LMTK3: variants seen among roughly 807,000 people sequenced by gnomAD.
LMTK3 encodes serine/threonine-protein kinase LMTK3.
A neutral mutation model predicts 116.7 loss-of-function variants in LMTK3; 27 were observed. That is an observed-to-expected ratio of 0.23 (90% CI 0.17 to 0.32). LMTK3 has a LOEUF of 0.32. LMTK3 is among the 10% of genes least tolerant of loss of function. The probability of loss-of-function intolerance (pLI) is 1.00; values close to 1 mark genes in which losing one functional copy is unlikely to be tolerated. For missense variants in LMTK3, 1,764 were observed against 2,068.5 expected (o/e 0.85, Z 2.86); for synonymous variants, 965 against 971.0 (o/e 0.99, Z 0.11).
chr19:48,487,250 G>T (rs1601037734), intron 14 of LMTK3, among the ~76,000 whole-genome samples: 1 of 152,126 alleles, frequency 6.6e-6, no homozygotes, highest in East Asian at 1.9e-4. Flanking sequence ...GGCCAAGCTG[G>T]TCTCGAACTC....
rs538473236 is a variant in LMTK3 at position 48,497,666 on chromosome 19, C to A, written c.3403G>T (p.Ala1135Ser). The A allele has an allele frequency of 6.5e-5, 86 of 1,319,912 alleles. No homozygotes were observed. The African/African-American group carries it at 1.1e-3, about 17-fold the overall frequency. 81.8% of individuals were successfully genotyped at this position (1,319,912 alleles called of 1,614,324 possible). A position where few individuals can be genotyped will look rare whatever the true frequency, so the allele number is the denominator to read the frequency against. The change falls in exon 11 of 15, where the codon GCC becomes TCC. Residue 1135 changes from alanine (A) to serine (S), a missense_variant. Coordinates refer to ENST00000600059, the MANE Select transcript of LMTK3 (RefSeq NM_001388485.1). This position sits in a 1 kb window ranked among gnomAD's most constrained non-coding sequence, Gnocchi z 5.7. Reference protein sequence around the residue: ...GGPGSGVDAKAGWVDNTRPQP... With the variant: ...GGPGSGVDAKSGWVDNTRPQP... ...GGCCTCGTGTTGTCTACCCATCCGGCCTTTGCGTCCACGCCGCTTCCGGGG... is the reference window on the plus strand; with the variant it reads ...GGCCTCGTGTTGTCTACCCATCCGGACTTTGCGTCCACGCCGCTTCCGGGG...
Position 48,493,682 on chromosome 19 carries a change from C to A in LMTK3, c.4092+12G>T. The stretch of plus-strand genomic sequence containing the variant: ...CCGCGACCCCGAAACCGCGCCCTCT[C>A]GGGTTCCGCACCTGGTCGAAGAGGT... On this transcript the variant is annotated intron_variant, in intron 12 of 14. Transcript: ENST00000600059. 6.4e-7 allele frequency: 1 copy of A among 1,559,576 alleles called. No individual in the cohort carries two copies. Among genetic ancestry groups the A allele is most frequent in the Non-Finnish European group, 8.7e-7 (1 of 1,153,514 alleles).
At chr19:48,488,864 C>T (rs1972171830) in intron 14 of LMTK3, among the ~76,000 whole-genome samples, 1 of 152,016 alleles carries the variant, frequency 6.6e-6, no homozygotes, top group African/African-American at 2.4e-5. Context: ...CTCACCCTCC[C>T]AAGTAGCTGG....
chr19:48,513,409 A>T, upstream of LMTK3: 1 of 571,940 alleles, frequency 1.7e-6, no homozygotes, highest in East Asian at 2.9e-5. This position sits in a 1 kb window ranked among gnomAD's most constrained non-coding sequence, Gnocchi z 5.6. Context: ...CAAGCCGGGG[A>T]GTGGCAAAGC....
Position 48,499,480 on chromosome 19 carries a change from C to A in LMTK3, c.1589G>T (p.Arg530Leu). ...GTACTCGCTGCTCACGGAGGGGCTGCGGGCGCTGATGACAGGCAGCACGCT... is the reference window on the plus strand; with the variant it reads ...GTACTCGCTGCTCACGGAGGGGCTGAGGGCGCTGATGACAGGCAGCACGCT... ...TPSVLPVISA[R>L]SPSVSSEYYI... The change falls in exon 11 of 15, where the codon CGC (arginine) becomes CTC (leucine). Residue 530 changes from arginine (R) to leucine (L), a missense_variant. Physicochemically the swap from Arg to Leu is moderately radical, Grantham distance 102 (BLOSUM62 -2). Transcript: ENST00000600059. 7.4e-7 allele frequency: 1 copy of A among 1,347,198 alleles called. No homozygotes were observed. The highest frequency in any genetic ancestry group is 9.7e-7 in the Non-Finnish European group (1 of 1,034,456). 83.5% of individuals were successfully genotyped at this position (1,347,198 alleles called of 1,614,324 possible).
At chr19:48,493,353 T>C (rs1049646163) in intron 12 of LMTK3, among the ~76,000 whole-genome samples, 3 of 12,240 alleles carry the variant, frequency 2.5e-4, no homozygotes, top group African/African-American at 9.9e-4. Flanking sequence ...GCCCTCTCCC[T>C]GGGCCCCGCC....
rs1250990919 is a variant in LMTK3 at position 48,494,646 on chromosome 19, C to A, written c.3677-537G>T. The stretch of plus-strand genomic sequence containing the variant: ...ACCCGGCCAGATCCACCTCTCTGAG[C>A]CTCTGTTTCCTCACTGGCAAATGAA... On this transcript the variant is annotated intron_variant, in intron 11 of 14. Transcript: ENST00000600059. This position sits in a 1 kb window ranked among gnomAD's most constrained non-coding sequence, Gnocchi z 4.0. Among the ~76,000 whole-genome samples the A allele has an allele frequency of 6.6e-6, 1 of 152,140 alleles. No individual in the cohort carries two copies. The highest frequency in any genetic ancestry group is 1.5e-5 in the Non-Finnish European group (1 of 68,034).
chr19:48,504,496 A>T (rs1191701530), intron 5 of LMTK3, among the ~76,000 whole-genome samples: 1 of 152,160 alleles, frequency 6.6e-6, no homozygotes, highest in Non-Finnish European at 1.5e-5. Context: ...ATGTGCTGAG[A>T]TCCTAGCAAT....
rs1375490892 is a variant in LMTK3 at position 48,494,505 on chromosome 19, A to G, written c.3677-396T>C. Among the ~76,000 whole-genome samples the G allele has an allele frequency of 3.3e-5, 5 of 151,972 alleles. No individual in the cohort carries two copies. The highest frequency in any genetic ancestry group is 1.2e-4 in the African/African-American group (5 of 41,360). ...CCACCATGCCCGGCTAATTTTTTGTATTTTTAGTAGAGACGGGGTTTCACC... is the reference window on the plus strand; with the variant it reads ...CCACCATGCCCGGCTAATTTTTTGTGTTTTTAGTAGAGACGGGGTTTCACC... On this transcript the variant is annotated intron_variant, in intron 11 of 14. Coordinates refer to ENST00000600059, the MANE Select transcript of LMTK3 (RefSeq NM_001388485.1). The surrounding 1 kb of genome is among the most constrained non-coding windows in gnomAD (Gnocchi z 4.0).
At position 48,485,666 on chromosome 19, in the gene LMTK3, C is replaced by T; in HGVS notation, c.*107G>A. ...AGGGGGAGGGCCCAGCCTCGGGGGC[C>T]TCCCCAGAGGCGGCGTCTGCGGTGG... On this transcript the variant is annotated 3_prime_UTR_variant, in exon 15 of 15. Coordinates refer to ENST00000600059, the MANE Select transcript of LMTK3 (RefSeq NM_001388485.1). 4.6e-6 allele frequency: 6 copies of T among 1,291,970 alleles called. No homozygotes were observed. Among genetic ancestry groups the T allele is most frequent in the Non-Finnish European group, 6.6e-6 (6 of 914,810 alleles). The allele number at this position is 1,291,970 out of a possible 1,614,324, so 80.0% of individuals were successfully genotyped here. A position where few individuals can be genotyped will look rare whatever the true frequency, so the allele number is the denominator to read the frequency against.
At position 48,501,069 on chromosome 19, in the gene LMTK3, G is replaced by A. The variant is rs1569104823; in HGVS notation, c.1078C>T (p.Leu360Phe). The change falls in exon 10 of 15, where the codon CTC becomes TTC. Residue 360 changes from leucine to phenylalanine, a missense_variant. Physicochemically the swap from Leu to Phe is conservative, Grantham distance 22. This residue lies in a region of LMTK3 where 271 missense variants were observed against 478.2 expected (regional missense o/e 0.57). Coordinates refer to ENST00000600059, the MANE Select transcript of LMTK3 (RefSeq NM_001388485.1). The part of the protein sequence containing the change: ...PYRHLSDEEV[L>F]AFVVRQQHVK... ...TGCTGCTGGCGGACCACGAAGGCGA[G>A]GACCTCCTCGTCTGACAGGTGGCGG... The A allele has an allele frequency of 6.4e-7, 1 of 1,574,758 alleles. No individual in the cohort carries two copies. Among genetic ancestry groups the A allele is most frequent in the Non-Finnish European group, 8.6e-7 (1 of 1,161,258 alleles).
At chr19:48,512,808 C>T (rs757772305), upstream of LMTK3, among the ~76,000 whole-genome samples, 7 of 152,096 alleles carry the variant, frequency 4.6e-5, no homozygotes, top group Non-Finnish European at 1.0e-4. Flanking sequence ...AAATCACATG[C>T]AAAAATACAC....
intron 5 of LMTK3, 28 bp downstream of exon 5, chr19:48,508,823 C>T (rs1972610949): frequency 1.3e-6 from 2 of 1,530,826 alleles, no homozygotes; most frequent in Non-Finnish European, 1.8e-6. Flanking sequence ...CTCAACAAGG[C>T]ACACACCCAC....
chr19:48,498,218 A>G lies in LMTK3; in HGVS notation c.2851T>C (p.Ser951Pro). ...AGCACTTTCTCTTCTCTCTCGGGGG[A>G]CCCCAGGGCCCCATTCTCCGCCGCC... The part of the protein sequence containing the change: ...EKAAENGALG[S>P]PEREEKVLEN... The change falls in exon 11 of 15, where the codon TCC (serine) becomes CCC (proline). Residue 951 changes from serine to proline, a missense_variant. By Grantham distance (74) the Ser-to-Pro change is moderately conservative. Coordinates refer to ENST00000600059, the MANE Select transcript of LMTK3 (RefSeq NM_001388485.1). The G allele has an allele frequency of 6.2e-7, 1 of 1,607,462 alleles. No individual in the cohort carries two copies. The highest frequency in any genetic ancestry group is 8.5e-7 in the Non-Finnish European group (1 of 1,178,028).
In LMTK3 at chr19:48,497,480, G is replaced by C. The variant is rs914882189; in HGVS notation, c.3589C>G (p.Pro1197Ala). The change falls in exon 11 of 15, where the codon CCC becomes GCC. Residue 1197 changes from proline to alanine, a missense_variant. Around this residue, in one of 7 missense-constraint regions of LMTK3, gnomAD observed 1,028 missense variants for 1,050.6 expected, o/e 0.98. Transcript: ENST00000600059. The surrounding 1 kb of genome is among the most constrained non-coding windows in gnomAD (Gnocchi z 5.7). The stretch of plus-strand genomic sequence containing the variant: ...GGGCCCTTCCTCTCGGGCTTGGGGG[G>C]GTCCCCGTCTCCGCTGAGTGCCGTG... ...GDTALSGDGD[P>A]PKPERKGPEM... 3.3e-6 allele frequency: 5 copies of C among 1,496,316 alleles called. No individual in the cohort carries two copies. The highest frequency in any genetic ancestry group is 3.6e-6 in the Non-Finnish European group (4 of 1,126,456). 92.7% of individuals were successfully genotyped at this position (1,496,316 alleles called of 1,614,324 possible). A position where few individuals can be genotyped will look rare whatever the true frequency, so the allele number is the denominator to read the frequency against.
rs1569104644 is a variant in LMTK3 at position 48,500,598 on chromosome 19, G to C, written c.1151+398C>G. ...AGATTCAGAGGAGGTAACTGGGCTG[G>C]GGAGCTGGGTATTGAGACCCAAAGA... On this transcript the variant is annotated intron_variant, in intron 10 of 14. Transcript: ENST00000600059. The surrounding 1 kb of genome is among the most constrained non-coding windows in gnomAD (Gnocchi z 4.0). Among the ~76,000 whole-genome samples, 1 of 152,128 alleles carries C rather than the reference G, an allele frequency of 6.6e-6. No homozygotes were observed. Among genetic ancestry groups the C allele is most frequent in the African/African-American group, 2.4e-5 (1 of 41,430 alleles).
chr19:48,491,120 C>A lies in LMTK3; in HGVS notation c.4354G>T (p.Ala1452Ser). Residue 1452 changes from alanine to serine, a missense_variant, in exon 14 of 15, where the codon GCC (alanine) becomes TCC (serine). Coordinates refer to ENST00000600059, the MANE Select transcript of LMTK3 (RefSeq NM_001388485.1). This position sits in a 1 kb window ranked among gnomAD's most constrained non-coding sequence, Gnocchi z 5.1. ...TPGPPARAPDARPAGPVEN is the reference protein window; with the variant it reads ...TPGPPARAPDSRPAGPVEN ...GAGGATATGGTACCTGCGGGCCGGG[C>A]GTCGGGGGCCCGGGCGGGTGGCCCC... 1 of 1,326,506 alleles carries A rather than the reference C, an allele frequency of 7.5e-7. No individual in the cohort carries two copies. The allele number at this position is 1,326,506 out of a possible 1,614,324, so 82.2% of individuals were successfully genotyped here.
At position 48,491,097 on chromosome 19, in the gene LMTK3, G is replaced by A; in HGVS notation, c.4366+11C>T. On this transcript the variant is annotated intron_variant, in intron 14 of 14. Transcript: ENST00000600059. The surrounding 1 kb of genome is among the most constrained non-coding windows in gnomAD (Gnocchi z 5.1). ...TGGGCAGAGGAGGGGGCAGGGCCGA[G>A]GATATGGTACCTGCGGGCCGGGCGT... 1 of 1,361,898 alleles carries A rather than the reference G, an allele frequency of 7.3e-7. No homozygotes were observed. Among genetic ancestry groups the A allele is most frequent in the Non-Finnish European group, 9.5e-7 (1 of 1,057,842 alleles). The allele number at this position is 1,361,898 out of a possible 1,614,324, so 84.4% of individuals were successfully genotyped here. A position where few individuals can be genotyped will look rare whatever the true frequency, so the allele number is the denominator to read the frequency against.
In LMTK3 at chr19:48,511,555, T is replaced by G; in HGVS notation, c.22A>C (p.Ile8Leu). Residue 8 changes from isoleucine (I) to leucine (L), a missense_variant, in exon 1 of 15, where the codon ATC becomes CTC. Transcript: ENST00000600059. ...GAGGCGGAGACGGCCGCAAGGAGGATGAGGGCGCCGGGGGCAGGCATCTTG... is the reference window on the plus strand; with the variant it reads ...GAGGCGGAGACGGCCGCAAGGAGGAGGAGGGCGCCGGGGGCAGGCATCTTG... MPAPGAL[I>L]LLAAVSASGC... 7.2e-7 allele frequency: 1 copy of G among 1,390,196 alleles called. No individual in the cohort carries two copies. 86.1% of individuals were successfully genotyped at this position (1,390,196 alleles called of 1,614,324 possible).
Sources: allele counts gnomAD v4.1 joint callset (sites outside exome capture counted in the v4.1 genomes callset), GRCh38; gene constraint gnomAD v4.1.1; regional missense constraint gnomAD v4.1.1; non-coding constraint Gnocchi (gnomAD v3.1); transcripts MANE v1.5; gene names NCBI Gene and HGNC (gene_info 2026-07-23, HGNC 2026-07-21).